PRR4: variants seen among roughly 807,000 people sequenced by gnomAD.
PRR4 encodes proline-rich protein 4.
Under a neutral mutation model 7.6 loss-of-function variants are expected in PRR4, and 7 were observed. The observed-to-expected ratio is 0.92, with a 90% confidence interval of 0.52 to 1.73. The LOEUF is 1.73. Ranked by LOEUF, PRR4 falls within the 40% of genes most tolerant of loss-of-function variation. PRR4 has a pLI of 0.00. For missense variants in PRR4, 187 were observed against 161.0 expected (o/e 1.16, Z -0.87); for synonymous variants, 64 against 58.5 (o/e 1.09, Z -0.43).
At chr12:10,848,798 C>G (rs1565431740) in intron 1 of PRR4, 1 of 195,440 alleles carries the variant, frequency 5.1e-6, no homozygotes, top group Non-Finnish European at 1.0e-5. Flanking sequence ...TGGATATAAT[C>G]TTACACATGC....
intron 1 of PRR4, 72 bp from the exon 2 acceptor site, chr12:10,848,479 G>A: frequency 6.8e-7 from 1 of 1,459,950 alleles, no homozygotes; most frequent in East Asian, 2.3e-5. Context: ...GGTCTATAGG[G>A]AAAGGGGTCT....
At chr12:10,848,300 T>G (rs376723671) in intron 2 of PRR4, 72 bp downstream of exon 2, 1 of 1,476,526 alleles carries the variant, frequency 6.8e-7, no homozygotes, top group Non-Finnish European at 9.4e-7. Flanking sequence ...AAGAAGACAC[T>G]GAAGGAAACT....
At chr12:10,849,330 C>G (rs1237829464) in intron 1 of PRR4, 44 bp downstream of exon 1, 2 of 1,331,070 alleles carry the variant, frequency 1.5e-6, no homozygotes, top group Admixed American at 4.4e-5. Flanking sequence ...CATGGCCCCT[C>G]ATCCCACTCC....
Position 10,847,334 on chromosome 12 carries a change from C to A in PRR4, c.134G>T (p.Gly45Val), listed in dbSNP as rs1949033066. 1.3e-6 allele frequency: 2 copies of A among 1,561,016 alleles called. No individual in the cohort carries two copies. Among genetic ancestry groups the A allele is most frequent in the Admixed American group, 3.7e-5 (2 of 53,616 alleles). ...TCCTTCAGGAGGAGGTCTCTGGGGT[C>A]CCTGATCTGGTCTCTGACTTGAGTC... Reference protein sequence around the residue: ...VEDSSQRPDQGPQRPPPEGLL... With the variant: ...VEDSSQRPDQVPQRPPPEGLL... Residue 45 changes from glycine (G) to valine (V), a missense_variant, in exon 3 of 4, where the codon GGA (glycine) becomes GTA (valine). By Grantham distance (109) the Gly-to-Val change is moderately radical. Coordinates refer to ENST00000228811, the MANE Select transcript of PRR4 (RefSeq NM_007244.3).
intron 3 of PRR4, 170 bp downstream of exon 3, chr12:10,846,875 T>C (rs1310103340): frequency 1.7e-6 from 1 of 597,526 alleles, no homozygotes; most frequent in African/African-American, 1.9e-5. Context: ...AACCACTTGT[T>C]AAAAATACAA....
In PRR4 at chr12:10,849,415, ACT is replaced by A; in HGVS notation, c.21_22del (p.Val8GlyfsTer13). The A allele has an allele frequency of 6.2e-7, 1 of 1,609,106 alleles. No homozygotes were observed. The highest frequency in any genetic ancestry group is 1.1e-5 in the South Asian group (1 of 90,762). ...AGCTGAGCTCAGAGCCAGAAGGACC[ACT>A]GAGAGCAGGACCAGCAGCATCTTGA... On this transcript the variant is annotated frameshift_variant, in exon 1 of 4. Transcript: ENST00000228811. LOFTEE classifies it high-confidence loss of function.
chr12:10,847,016 A>G (rs756884431), intron 3 of PRR4, 29 bp downstream of exon 3: 22 of 1,496,806 alleles, frequency 1.5e-5, no homozygotes, highest in Non-Finnish European at 2.0e-5. Context: ...CAGTTTGGGC[A>G]TTTAATGGAG....
rs1015761796 is a variant in PRR4 at position 10,847,253 on chromosome 12, C to G, written c.215G>C (p.Arg72Thr). ...GTGATGGCCTCCTGGTTTTGGTGGT[C>G]TCTGCTGAGGACCATCATCTTGGTT... ...SGNQDDGPQQ[R>T]PPKPGGHHRH... Residue 72 changes from arginine to threonine, a missense_variant, in exon 3 of 4, where the codon AGA becomes ACA. Transcript: ENST00000228811. 1.9e-6 allele frequency: 3 copies of G among 1,613,270 alleles called. No homozygotes were observed. In the African/African-American group the frequency reaches 4.0e-5, roughly 22 times the overall value.
chr12:10,849,368 T>C lies in PRR4; in HGVS notation c.64+6A>G, dbSNP rs1265972326. 1 of 1,584,386 alleles carries C rather than the reference T, an allele frequency of 6.3e-7. No individual in the cohort carries two copies. Among genetic ancestry groups the C allele is most frequent in the Non-Finnish European group, 8.6e-7 (1 of 1,167,166 alleles). The stretch of plus-strand genomic sequence containing the variant: ...ATCTCCTTTTTTAAAAAAATAATTT[T>C]TTTACCATTATCTGTGCTCTGAGCT... On this transcript the variant is annotated splice_donor_region_variant and intron_variant, in intron 1 of 3. Coordinates refer to ENST00000228811, the MANE Select transcript of PRR4 (RefSeq NM_007244.3).
In PRR4 at chr12:10,847,172, T is replaced by C. The variant is rs1320666137; in HGVS notation, c.296A>G (p.His99Arg). The C allele has an allele frequency of 6.2e-7, 1 of 1,613,806 alleles. No homozygotes were observed. ...AAATCGGGGTAGAGAGAGTTGACGGTGTCCTCGTCGGGGTGGTCGTTGCTG... is the reference window on the plus strand; with the variant it reads ...AAATCGGGGTAGAGAGAGTTGACGGCGTCCTCGTCGGGGTGGTCGTTGCTG... ...QNQQRPPRRGHRQLSLPRFPS... is the reference protein window; with the variant it reads ...QNQQRPPRRGRRQLSLPRFPS... The change falls in exon 3 of 4, where the codon CAC becomes CGC. Residue 99 changes from histidine (H) to arginine (R), a missense_variant. Physicochemically the swap from His to Arg is conservative, Grantham distance 29. Coordinates refer to ENST00000228811, the MANE Select transcript of PRR4 (RefSeq NM_007244.3).
At chr12:10,847,501 C>T (rs1428000649) in intron 2 of PRR4, 134 bp from the exon 3 acceptor site, 3 of 558,402 alleles carry the variant, frequency 5.4e-6, no homozygotes, top group African/African-American at 1.9e-5. Context: ...TTCTTTTGTG[C>T]CCACTGTTTT....
intron 2 of PRR4, 126 bp from the exon 3 acceptor site, chr12:10,847,493 C>T: frequency 1.7e-6 from 1 of 588,176 alleles, no homozygotes; most frequent in South Asian, 7.0e-5. Context: ...CTGTCAACTT[C>T]TTTTGTGCCC....
chr12:10,849,313 G>C, intron 1 of PRR4, 61 bp downstream of exon 1: 2 of 1,088,252 alleles, frequency 1.8e-6, no homozygotes, highest in Non-Finnish European at 2.6e-6. Flanking sequence ...TGAGGCCCTA[G>C]AAGAGTCATG....
At chr12:10,846,350 A>G (rs1644456714) in intron 3 of PRR4, among the ~76,000 whole-genome samples, 1 of 152,238 alleles carries the variant, frequency 6.6e-6, no homozygotes, top group Non-Finnish European at 1.5e-5. Flanking sequence ...AAGCAAATAC[A>G]GATCTGCATA....
In PRR4 at chr12:10,847,257, G is replaced by C. The variant is rs1168881690; in HGVS notation, c.211C>G (p.Gln71Glu). 7 of 1,613,112 alleles carry C rather than the reference G, an allele frequency of 4.3e-6. No homozygotes were observed. The African/African-American group carries it at 8.0e-5, about 18-fold the overall frequency. ...TGGCCTCCTGGTTTTGGTGGTCTCTGCTGAGGACCATCATCTTGGTTACCA... is the reference window on the plus strand; with the variant it reads ...TGGCCTCCTGGTTTTGGTGGTCTCTCCTGAGGACCATCATCTTGGTTACCA... ...DSGNQDDGPQ[Q>E]RPPKPGGHHR... Residue 71 changes from glutamine (Q) to glutamate (E), a missense_variant, in exon 3 of 4, where the codon CAG becomes GAG. Transcript: ENST00000228811.
chr12:10,847,442 C>T (rs1949034901), intron 2 of PRR4, 75 bp from the exon 3 acceptor site: 2 of 1,163,340 alleles, frequency 1.7e-6, no homozygotes, highest in African/African-American at 1.5e-5. Context: ...ACTTCTCTCA[C>T]CTTACCACAC....
intron 1 of PRR4, chr12:10,848,927 G>C (rs900853202): frequency 6.4e-6 from 1 of 156,464 alleles, no homozygotes; most frequent in Non-Finnish European, 1.4e-5. Flanking sequence ...CTCTATGTCT[G>C]ACAGTACTCT....
At chr12:10,848,698 T>A in intron 1 of PRR4, 1 of 351,422 alleles carries the variant, frequency 2.8e-6, no homozygotes, top group Non-Finnish European at 5.1e-6. Flanking sequence ...TATTTTCATG[T>A]CATATTTTAG....
intron 3 of PRR4, among the ~76,000 whole-genome samples, chr12:10,846,707 A>G (rs1949022301): frequency 6.6e-6 from 1 of 152,204 alleles, no homozygotes; most frequent in Non-Finnish European, 1.5e-5. Context: ...CCTGAGATGG[A>G]GAGTCCTTGG....
Sources: allele counts gnomAD v4.1 joint callset (sites outside exome capture counted in the v4.1 genomes callset), GRCh38; gene constraint gnomAD v4.1.1; transcripts MANE v1.5; gene names NCBI Gene and HGNC (gene_info 2026-07-23, HGNC 2026-07-21).